Variants in SGMS2 observed in about 807,000 individuals in gnomAD.
SGMS2 encodes the protein phosphatidylcholine:ceramide cholinephosphotransferase 2.
In SGMS2, 21 loss-of-function variants were observed where a neutral mutation model predicts 43.8. That is an observed-to-expected ratio of 0.48 (90% CI 0.34 to 0.69). The LOEUF is 0.69. Ranked by LOEUF, SGMS2 falls within the 30% of genes least tolerant of loss-of-function variation. SGMS2 has a pLI of 0.01. For missense variants in SGMS2, 384 were observed against 443.2 expected (o/e 0.87, Z 1.20); for synonymous variants, 167 against 160.6 (o/e 1.04, Z -0.30).
chr4:107,886,248 G>A (rs890423056), intron 2 of SGMS2, among the ~76,000 whole-genome samples: 1 of 151,590 alleles, frequency 6.6e-6, no homozygotes, highest in Non-Finnish European at 1.5e-5. Flanking sequence ...CACCCAGGCT[G>A]GAATGCAGTG....
intron 1 of SGMS2, among the ~76,000 whole-genome samples, chr4:107,856,613 A>C (rs1320715669): frequency 6.6e-6 from 1 of 152,180 alleles, no homozygotes; most frequent in Admixed American, 6.5e-5. Context: ...GAGGGTGATA[A>C]CCGGAGAAGG....
At chr4:107,845,335 G>T (rs1334257862) in intron 1 of SGMS2, among the ~76,000 whole-genome samples, 1 of 152,186 alleles carries the variant, frequency 6.6e-6, no homozygotes, top group Non-Finnish European at 1.5e-5. Flanking sequence ...TAGTAAAGGA[G>T]CCCGTGATCT....
chr4:107,878,929 G>T (rs971765279), intron 2 of SGMS2, among the ~76,000 whole-genome samples: 2 of 152,168 alleles, frequency 1.3e-5, no homozygotes, highest in Non-Finnish European at 1.5e-5. Flanking sequence ...GGCAGAAACA[G>T]TTGATACAGG....
chr4:107,886,477 G>A lies in SGMS2; in HGVS notation c.-244-8833G>A, dbSNP rs564501823. Among the ~76,000 whole-genome samples the A allele has an allele frequency of 4.3e-4, 64 of 147,856 alleles. 1 individual carries two copies. Among genetic ancestry groups the A allele is most frequent in the African/African-American group, 1.6e-3 (63 of 40,206 alleles). ...TGACCTCCTGCCTTGGCCTCCCAAA[G>A]TACTGAAATTACAGGTATGAGCCAC... is the stretch of plus-strand genomic sequence containing the variant. On this transcript the variant is annotated intron_variant, in intron 2 of 6. Coordinates refer to ENST00000690982, the MANE Select transcript of SGMS2 (RefSeq NM_001375905.1).
chr4:107,834,027 T>G (rs1726036889), intron 1 of SGMS2, among the ~76,000 whole-genome samples: 1 of 152,224 alleles, frequency 6.6e-6, no homozygotes, highest in Non-Finnish European at 1.5e-5. Context: ...CTGTGATGTT[T>G]AGCTCAGAGA....
chr4:107,834,122 C>T (rs1429020649), intron 1 of SGMS2, among the ~76,000 whole-genome samples: 3 of 152,228 alleles, frequency 2.0e-5, no homozygotes, highest in Admixed American at 1.3e-4. Context: ...GGTAGAGCAG[C>T]AGTAGAAACA....
intron 5 of SGMS2, 39 bp downstream of exon 5, chr4:107,903,425 G>A: frequency 6.2e-7 from 1 of 1,603,432 alleles, no homozygotes; most frequent in South Asian, 1.1e-5. Context: ...GATAGCTGTA[G>A]TGGGAGGGAT....
chr4:107,828,803 GCATATCT>G (rs1251619450), intron 1 of SGMS2, among the ~76,000 whole-genome samples: 1 of 152,092 alleles, frequency 6.6e-6, no homozygotes, highest in Non-Finnish European at 1.5e-5. Flanking sequence ...CGTTCCTTTA[GCATATCT>G]CATAAGATTT....
intron 2 of SGMS2, chr4:107,886,952 A>G (rs1007336473): frequency 2.6e-5 from 4 of 152,226 alleles, no homozygotes; most frequent in Non-Finnish European, 5.9e-5. Flanking sequence ...GAAAACAAAT[A>G]TGCTCCACAT....
chr4:107,892,310 G>C (rs577220595), intron 2 of SGMS2, among the ~76,000 whole-genome samples: 1 of 151,396 alleles, frequency 6.6e-6, no homozygotes, highest in South Asian at 2.1e-4. Flanking sequence ...GGAGATCAGG[G>C]ATTCTCTGGA....
chr4:107,842,228 A>T (rs1726554094), intron 1 of SGMS2, among the ~76,000 whole-genome samples: 1 of 152,164 alleles, frequency 6.6e-6, no homozygotes, highest in African/African-American at 2.4e-5. Flanking sequence ...TTTCAAAAAG[A>T]GGCTTTAATT....
intron 1 of SGMS2, among the ~76,000 whole-genome samples, chr4:107,829,234 ATTAGT>A (rs1375091614): frequency 6.6e-6 from 1 of 152,164 alleles, no homozygotes; most frequent in Non-Finnish European, 1.5e-5. Flanking sequence ...AGAAATTTCT[ATTAGT>A]TTATTTTTAT....
At chr4:107,910,314 A>G (rs199499852) in intron 6 of SGMS2, 36 bp from the exon 7 acceptor site, 2 of 1,534,118 alleles carry the variant, frequency 1.3e-6, no homozygotes, top group South Asian at 1.1e-5. Context: ...ATTGAGAAAG[A>G]TATGTCTCAT....
chr4:107,880,576 C>A (rs1188431088), intron 2 of SGMS2, among the ~76,000 whole-genome samples: 2 of 152,008 alleles, frequency 1.3e-5, no homozygotes, highest in African/African-American at 4.8e-5. Flanking sequence ...AAAAAGCTGG[C>A]CGGGTGCGAT....
intron 2 of SGMS2, 77 bp from the exon 3 acceptor site, chr4:107,895,233 T>C (rs1189228532): frequency 3.8e-6 from 1 of 265,092 alleles, no homozygotes; most frequent in East Asian, 7.2e-5. Flanking sequence ...GTTTCCTTAG[T>C]TTAAGAATGT....
intron 1 of SGMS2, among the ~76,000 whole-genome samples, chr4:107,858,013 C>G (rs1036556305): frequency 2.4e-4 from 36 of 152,180 alleles, no homozygotes; most frequent in African/African-American, 7.7e-4. Flanking sequence ...CTGCCCCACC[C>G]CCCCCATCCC....
Position 107,911,282 on chromosome 4 carries a change from T to C in SGMS2, c.*729T>C, listed in dbSNP as rs1228044974. The C allele has an allele frequency of 6.6e-6, 1 of 152,216 alleles. No individual in the cohort carries two copies. Among genetic ancestry groups the C allele is most frequent in the Non-Finnish European group, 1.5e-5 (1 of 68,038 alleles). 9.4% of individuals were successfully genotyped at this position (152,216 alleles called of 1,614,324 possible). ...TTCACTTTAAAATCTCTATGACAGATACACAGGAAACATGAGATGGTTTCT... is the reference window on the plus strand; with the variant it reads ...TTCACTTTAAAATCTCTATGACAGACACACAGGAAACATGAGATGGTTTCT... On this transcript the variant is annotated 3_prime_UTR_variant, in exon 7 of 7. Transcript: ENST00000690982.
chr4:107,891,951 G>A (rs368218781), intron 2 of SGMS2, among the ~76,000 whole-genome samples: 1 of 152,054 alleles, frequency 6.6e-6, no homozygotes, highest in African/African-American at 2.4e-5. Flanking sequence ...CAAGCTTCCA[G>A]CTTGCTTATC....
chr4:107,846,333 A>G (rs973498717), intron 1 of SGMS2, among the ~76,000 whole-genome samples: 12 of 136,234 alleles, frequency 8.8e-5, no homozygotes, highest in Admixed American at 3.3e-4. Context: ...TCATTGTTCA[A>G]TTCCCATCTA....
Sources: allele counts gnomAD v4.1 joint callset (sites outside exome capture counted in the v4.1 genomes callset), GRCh38; gene constraint gnomAD v4.1.1; transcripts MANE v1.5; gene names NCBI Gene and HGNC (gene_info 2026-07-23, HGNC 2026-07-21).